The following SNX31 variants were observed in gnomAD, a reference collection of about 807,000 sequenced individuals.
The protein encoded by SNX31 is sorting nexin 31.
In SNX31, 58 loss-of-function variants were observed where a neutral mutation model predicts 65.4. That is an observed-to-expected ratio of 0.89 (90% CI 0.72 to 1.10). The LOEUF (loss-of-function observed/expected upper bound fraction) is 1.10. SNX31 is among the 50% of genes least tolerant of loss of function. The pLI, the probability that SNX31 is intolerant of heterozygous loss-of-function variation, is 0.00. For missense variants in SNX31, 523 were observed against 529.7 expected (o/e 0.99, Z 0.12); for synonymous variants, 181 against 190.1 (o/e 0.95, Z 0.39).
At chr8:100,628,973 G>A (rs991669267) in intron 4 of SNX31, among the ~76,000 whole-genome samples, 11 of 151,970 alleles carry the variant, frequency 7.2e-5, no homozygotes, top group African/African-American at 2.7e-4. Context: ...AAATACCAAG[G>A]TGTTTCAATT....
At chr8:100,616,150 T>C (rs10111792) in intron 5 of SNX31, among the ~76,000 whole-genome samples, 80,035 of 151,988 alleles carry the variant, frequency 0.53, 21,573 homozygotes, top group African/African-American at 0.61. Context: ...GTATATGCAG[T>C]CCAATGTTGA....
Position 100,609,353 on chromosome 8 carries a change from T to A in SNX31, c.612-790A>T, listed in dbSNP as rs1476701752. ...TTAGCCGCCTGTCCACTGTGCTTCCTCTGCACCCTGAGTTTATTCCAATTG... is the reference window on the plus strand; with the variant it reads ...TTAGCCGCCTGTCCACTGTGCTTCCACTGCACCCTGAGTTTATTCCAATTG... On this transcript the variant is annotated intron_variant, in intron 7 of 13. Transcript: ENST00000311812. The surrounding 1 kb of genome is among the most constrained non-coding windows in gnomAD (Gnocchi z 4.9). Among the ~76,000 whole-genome samples, 1 of 152,214 alleles carries A rather than the reference T, an allele frequency of 6.6e-6. No individual in the cohort carries two copies. The highest frequency in any genetic ancestry group is 1.5e-5 in the Non-Finnish European group (1 of 68,040).
At chr8:100,639,420 T>C (rs1819001115) in intron 2 of SNX31, among the ~76,000 whole-genome samples, 1 of 152,138 alleles carries the variant, frequency 6.6e-6, no homozygotes, top group Non-Finnish European at 1.5e-5. Context: ...GATAAAGTTG[T>C]TTTCCACAGG....
chr8:100,600,895 A>G (rs1236331005), intron 8 of SNX31, among the ~76,000 whole-genome samples: 1 of 152,206 alleles, frequency 6.6e-6, no homozygotes, highest in Non-Finnish European at 1.5e-5. Flanking sequence ...TAAGAATCAA[A>G]TGGAAAAACA....
At chr8:100,650,694 T>TCTGGTCTTATAGAAAAGGAAATTG (rs1819940260), upstream of SNX31, among the ~76,000 whole-genome samples, 1 of 152,118 alleles carries the variant, frequency 6.6e-6, no homozygotes, top group Non-Finnish European at 1.5e-5. Context: ...CATTGACAGT[T>TCTGGTCTTATAGAAAAGGAAATTG]CTGGTCTTAT....
intron 12 of SNX31, among the ~76,000 whole-genome samples, chr8:100,581,132 C>T (rs929355263): frequency 3.8e-5 from 3 of 79,646 alleles, no homozygotes; most frequent in African/African-American, 1.4e-4. Flanking sequence ...CTTACCTCTA[C>T]AAAAAAAAAA....
In SNX31 at chr8:100,588,023, T is replaced by C. The variant is rs1011742993; in HGVS notation, c.1092+843A>G. ...TATAAACCTGTACAGTATGCTACTA[T>C]ACTGAATAAATTCTGAGGCAATTGT... On this transcript the variant is annotated intron_variant, in intron 11 of 13. Coordinates refer to ENST00000311812, the MANE Select transcript of SNX31 (RefSeq NM_152628.4). The surrounding 1 kb of genome is among the most constrained non-coding windows in gnomAD (Gnocchi z 4.8). Among the ~76,000 whole-genome samples, 1 of 152,158 alleles carries C rather than the reference T, an allele frequency of 6.6e-6. No individual in the cohort carries two copies. Among genetic ancestry groups the C allele is most frequent in the Non-Finnish European group, 1.5e-5 (1 of 68,026 alleles).
chr8:100,573,718 C>A lies in SNX31; in HGVS notation c.*147G>T, dbSNP rs543732726. 5.1e-5 allele frequency: 23 copies of A among 452,632 alleles called. No individual in the cohort carries two copies. The highest frequency in any genetic ancestry group is 8.5e-5 in the Admixed American group (2 of 23,490). The allele number at this position is 452,632 out of a possible 1,614,324, so 28.0% of individuals were successfully genotyped here. A position where few individuals can be genotyped will look rare whatever the true frequency, so the allele number is the denominator to read the frequency against. On this transcript the variant is annotated 3_prime_UTR_variant, in exon 14 of 14. Transcript: ENST00000311812. ...TCCATAGAGTGCTGTGGTATAATAC[C>A]TTGATGAATACAGTCCATGTTAATG... is the stretch of plus-strand genomic sequence containing the variant.
intron 4 of SNX31, among the ~76,000 whole-genome samples, chr8:100,627,626 C>T (rs1050390819): frequency 3.3e-5 from 5 of 152,170 alleles, no homozygotes; most frequent in Non-Finnish European, 5.9e-5. Flanking sequence ...ACTGTAACCT[C>T]CACCTCCTGG....
intron 2 of SNX31, among the ~76,000 whole-genome samples, chr8:100,643,118 G>C (rs60860351): frequency 6.4e-5 from 9 of 140,022 alleles, no homozygotes; most frequent in South Asian, 4.7e-4. Context: ...TTGAACTTGG[G>C]GGGGGTGGAG....
At position 100,660,001 on chromosome 8, in the gene SNX31, G is replaced by C. The variant is rs970225972; in HGVS notation, c.-58+3141C>G. Among the ~76,000 whole-genome samples, 1 of 151,432 alleles carries C rather than the reference G, an allele frequency of 6.6e-6. No homozygotes were observed. Among genetic ancestry groups the C allele is most frequent in the Non-Finnish European group, 1.5e-5 (1 of 67,910 alleles). On this transcript the variant is annotated intron_variant, in intron 1 of 5. Coordinates refer to the SNX31 transcript ENST00000520352. This position sits in a 1 kb window ranked among gnomAD's most constrained non-coding sequence, Gnocchi z 4.1. ...TATAATGAAAAAGATAATAATAGAA[G>C]GATTAACAATAGATAGAAAAATGAC...
chr8:100,653,239 T>C (rs1820004632), upstream of SNX31, among the ~76,000 whole-genome samples: 1 of 152,156 alleles, frequency 6.6e-6, no homozygotes, highest in African/African-American at 2.4e-5. Context: ...ATATATAAAA[T>C]TATACGATAC....
chr8:100,643,616 G>A (rs1412179992), intron 2 of SNX31, among the ~76,000 whole-genome samples: 1 of 152,058 alleles, frequency 6.6e-6, no homozygotes, highest in Non-Finnish European at 1.5e-5. Flanking sequence ...CATGAACCTT[G>A]AGCGGGAGCA....
intron 9 of SNX31, among the ~76,000 whole-genome samples, chr8:100,597,472 C>A (rs1309485127): frequency 6.6e-6 from 1 of 152,154 alleles, no homozygotes; most frequent in Non-Finnish European, 1.5e-5. Flanking sequence ...GATCTCCCGA[C>A]CTTGTCGTGA....
intron 11 of SNX31, among the ~76,000 whole-genome samples, chr8:100,587,827 C>G (rs1438409752): frequency 1.3e-5 from 2 of 152,142 alleles, no homozygotes; most frequent in Admixed American, 1.3e-4. Context: ...CTCAAGATAT[C>G]TCATTATATA....
At chr8:100,639,366 T>A (rs1482229723) in intron 2 of SNX31, among the ~76,000 whole-genome samples, 1 of 152,148 alleles carries the variant, frequency 6.6e-6, no homozygotes, top group Non-Finnish European at 1.5e-5. Flanking sequence ...GTCTGTAAAC[T>A]AAAGGCAAAG....
chr8:100,588,077 A>G lies in SNX31; in HGVS notation c.1092+789T>C, dbSNP rs1402510998. 6.6e-6 allele frequency among the ~76,000 whole-genome samples: 1 copy of G among 151,942 alleles called. No homozygotes were observed. Among genetic ancestry groups the G allele is most frequent in the Non-Finnish European group, 1.5e-5 (1 of 68,008 alleles). On this transcript the variant is annotated intron_variant, in intron 11 of 13. Transcript: ENST00000311812. The surrounding 1 kb of genome is among the most constrained non-coding windows in gnomAD (Gnocchi z 4.8). ...ACAATGATAAGTATGTGTATCACCTAAACATAGAAAAGGTACTACAGGAAA... is the reference window on the plus strand; with the variant it reads ...ACAATGATAAGTATGTGTATCACCTGAACATAGAAAAGGTACTACAGGAAA...
chr8:100,606,175 C>T (rs1032438069), intron 8 of SNX31, among the ~76,000 whole-genome samples: 5 of 152,122 alleles, frequency 3.3e-5, no homozygotes, highest in African/African-American at 9.7e-5. Context: ...GCTGGGACCA[C>T]AGGCACACAC....
In SNX31 at chr8:100,596,660, C is replaced by T. The variant is rs2130905858; in HGVS notation, c.957G>A (p.Lys319=). Residue 319 remains lysine (K), a synonymous_variant, in exon 10 of 14, where the codon AAG becomes AAA. Transcript: ENST00000311812. ...TCACAAGGAAAGTGACCTGCCAGCA[C>T]TTCACCCTGCTCATCTGGAAAACGA... is the stretch of plus-strand genomic sequence containing the variant. ...QDIVFQMSRV[K]CWQVTFLGTL... 6.2e-7 allele frequency: 1 copy of T among 1,614,178 alleles called. No individual in the cohort carries two copies.
Sources: allele counts gnomAD v4.1 joint callset (sites outside exome capture counted in the v4.1 genomes callset), GRCh38; gene constraint gnomAD v4.1.1; non-coding constraint Gnocchi (gnomAD v3.1); transcripts MANE v1.5; gene names NCBI Gene and HGNC (gene_info 2026-07-23, HGNC 2026-07-21).